CUBN: variants seen among roughly 807,000 people sequenced by gnomAD.
The protein encoded by CUBN is 460 kDa receptor.
A neutral mutation model predicts 405.3 loss-of-function variants in CUBN; 282 were observed. That is an observed-to-expected ratio of 0.70 (90% CI 0.63 to 0.77). The LOEUF (loss-of-function observed/expected upper bound fraction) is 0.77, where lower values mean the gene tolerates loss of function less well. Among genes scored for constraint, CUBN ranks in the 30% least tolerant of loss-of-function variants. The pLI is 0.00. For synonymous variants in CUBN, 1,684 were observed against 1,617.0 expected, an observed-to-expected ratio of 1.04 and a Z score of -0.99; for missense variants, 4,514 against 4,475.2, an observed-to-expected ratio of 1.01 and a Z score of -0.25.
At chr10:17,033,146 G>A (rs914190956) in intron 27 of CUBN, among the ~76,000 whole-genome samples, 5 of 152,128 alleles carry the variant, frequency 3.3e-5, no homozygotes, top group African/African-American at 1.2e-4. Flanking sequence ...TCTCCAGGAG[G>A]TCTCTGAAAC....
At chr10:16,967,387 TA>T (rs1843422774) in intron 31 of CUBN, among the ~76,000 whole-genome samples, 1 of 152,216 alleles carries the variant, frequency 6.6e-6, no homozygotes, top group African/African-American at 2.4e-5. Context: ...CTTTCACAAA[TA>T]AACATTTAAG....
At chr10:16,881,955 G>C (rs973123577) in intron 56 of CUBN, among the ~76,000 whole-genome samples, 7 of 152,162 alleles carry the variant, frequency 4.6e-5, no homozygotes, top group Admixed American at 4.6e-4. Context: ...GTTGGTGACA[G>C]ACTAAAGGCA....
chr10:16,957,472 A>G (rs921786417), intron 31 of CUBN, among the ~76,000 whole-genome samples: 5 of 152,234 alleles, frequency 3.3e-5, no homozygotes, highest in African/African-American at 1.2e-4. Context: ...GAGAAGACAT[A>G]CAAATGACCA....
intron 31 of CUBN, among the ~76,000 whole-genome samples, chr10:16,973,000 A>G (rs540708407): frequency 3.3e-5 from 5 of 152,174 alleles, no homozygotes; most frequent in Admixed American, 6.5e-5. Flanking sequence ...TTGTCACTGT[A>G]GAATACAGCT....
chr10:16,887,610 C>G (rs762975109), intron 56 of CUBN, among the ~76,000 whole-genome samples: 1 of 152,160 alleles, frequency 6.6e-6, no homozygotes, highest in Non-Finnish European at 1.5e-5. Context: ...AACTCTTCCT[C>G]GTACACTTTT....
chr10:17,060,280 C>A lies in CUBN; in HGVS notation c.3139+5228G>T, dbSNP rs984609025. Among the ~76,000 whole-genome samples the A allele has an allele frequency of 2.0e-5, 3 of 152,110 alleles. No individual in the cohort carries two copies. The South Asian group carries it at 6.2e-4, about 32-fold the overall frequency. ...GGGATTACAGGCATGAGCCACCACGCCTGGCTAATTTTGTATTTTTAGTAG... is the reference window on the plus strand; with the variant it reads ...GGGATTACAGGCATGAGCCACCACGACTGGCTAATTTTGTATTTTTAGTAG... On this transcript the variant is annotated intron_variant, in intron 22 of 66. Transcript: ENST00000377833.
chr10:17,014,468 C>G (rs1834273931), intron 28 of CUBN, among the ~76,000 whole-genome samples: 2 of 152,088 alleles, frequency 1.3e-5, no homozygotes, highest in African/African-American at 2.4e-5. Context: ...CCACAGTCAG[C>G]AAAAGCCGAT....
intron 16 of CUBN, 118 bp from the exon 17 acceptor site, chr10:17,084,579 T>A: frequency 1.2e-6 from 1 of 830,450 alleles, no homozygotes; most frequent in East Asian, 2.6e-5. Context: ...CATATCCATT[T>A]TATTCACCCT....
intron 17 of CUBN, among the ~76,000 whole-genome samples, chr10:17,075,450 T>C (rs1032894728): frequency 6.6e-6 from 1 of 152,250 alleles, no homozygotes; most frequent in East Asian, 1.9e-4. Context: ...GTTACTCTCA[T>C]CCATAACTGG....
At chr10:17,075,621 C>T (rs1206657293) in intron 17 of CUBN, among the ~76,000 whole-genome samples, 1 of 151,978 alleles carries the variant, frequency 6.6e-6, no homozygotes, top group African/African-American at 2.4e-5. Flanking sequence ...TTCTAAAGGC[C>T]TAATAATAGT....
At chr10:17,121,325 G>T (rs1428918908) in intron 6 of CUBN, among the ~76,000 whole-genome samples, 1 of 152,052 alleles carries the variant, frequency 6.6e-6, no homozygotes, top group African/African-American at 2.4e-5. Flanking sequence ...TTAGAAGTGT[G>T]CATTAATAGT....
At position 16,899,089 on chromosome 10, in the gene CUBN, G is replaced by T; in HGVS notation, c.8505C>A (p.Ala2835=). ...CCAAGTGTTTACTTTTGTGAGTAATGGCCGTCCAGGAACATCTGCTGTTTT... is the reference window on the plus strand; with the variant it reads ...CCAAGTGTTTACTTTTGTGAGTAATTGCCGTCCAGGAACATCTGCTGTTTT... ...FPENSRCSWT[A]ITHKSKHLEI... Residue 2835 remains alanine, a synonymous_variant, in exon 54 of 67, where the codon GCC becomes GCA. Transcript: ENST00000377833. 1 of 1,613,170 alleles carries T rather than the reference G, an allele frequency of 6.2e-7. No homozygotes were observed. The highest frequency in any genetic ancestry group is 8.5e-7 in the Non-Finnish European group (1 of 1,179,120).
chr10:17,009,607 T>C (rs1834123252), intron 28 of CUBN, among the ~76,000 whole-genome samples: 1 of 147,836 alleles, frequency 6.8e-6, no homozygotes, highest in Non-Finnish European at 1.5e-5. Flanking sequence ...CCTCCCAAAC[T>C]CTCCATCCTG....
intron 28 of CUBN, among the ~76,000 whole-genome samples, chr10:17,004,718 G>T (rs954388448): frequency 3.3e-5 from 5 of 150,112 alleles, no homozygotes; most frequent in African/African-American, 1.2e-4. Flanking sequence ...TGCCCAGGCT[G>T]GAGCGCAGTG....
intron 27 of CUBN, 73 bp from the exon 28 acceptor site, chr10:17,020,056 G>A (rs1216208848): frequency 1.9e-6 from 3 of 1,552,088 alleles, no homozygotes; most frequent in South Asian, 1.1e-5. Flanking sequence ...GTCTACACAA[G>A]TAGCAAAAGC....
rs138299101 is a variant in CUBN at position 16,859,641 on chromosome 10, T to C, written c.9455-8198A>G. On this transcript the variant is annotated intron_variant, in intron 59 of 66. Transcript: ENST00000377833. ...TACTCAGAGCAAGAATCCCACAGAA[T>C]TTAAGAAAATCAAGTCATTTTCGAA... Among the ~76,000 whole-genome samples, 492 of 152,200 alleles carry C rather than the reference T, an allele frequency of 3.2e-3. 8 individuals are homozygous for C. Among genetic ancestry groups the C allele is most frequent in the African/African-American group, 0.011 (476 of 41,530 alleles).
chr10:16,932,515 A>G (rs1842389648), intron 40 of CUBN, among the ~76,000 whole-genome samples: 1 of 152,214 alleles, frequency 6.6e-6, no homozygotes, highest in Admixed American at 6.5e-5. Context: ...AGAATACAAC[A>G]ATATCACCCC....
At chr10:16,969,576 A>G (rs1843496052) in intron 31 of CUBN, among the ~76,000 whole-genome samples, 1 of 152,158 alleles carries the variant, frequency 6.6e-6, no homozygotes, top group African/African-American at 2.4e-5. Context: ...GATGGTCTCA[A>G]TCTCTAGACC....
intron 59 of CUBN, 79 bp downstream of exon 59, chr10:16,869,557 T>TA: frequency 1.4e-6 from 1 of 707,326 alleles, no homozygotes; most frequent in South Asian, 1.6e-5. Context: ...CAGGTGGGGG[T>TA]GGGGGGGGGG....
Sources: allele counts gnomAD v4.1 joint callset (sites outside exome capture counted in the v4.1 genomes callset), GRCh38; gene constraint gnomAD v4.1.1; transcripts MANE v1.5; gene names NCBI Gene and HGNC (gene_info 2026-07-23, HGNC 2026-07-21).